The following RNF180 variants were observed in gnomAD, a reference collection of about 807,000 sequenced individuals.
The protein encoded by RNF180 is ring finger protein 180.
RNF180 carries 38 observed loss-of-function variants against 59.2 expected under a neutral mutation model. That is an observed-to-expected ratio of 0.64 (90% CI 0.50 to 0.84). The LOEUF is 0.84. RNF180 is among the 40% of genes least tolerant of loss of function. RNF180 has a pLI of 0.00. For synonymous variants in RNF180, 262 were observed against 240.3 expected (o/e 1.09, Z -0.84); for missense variants, 705 against 700.9 (o/e 1.01, Z -0.07).
intron 5 of RNF180, among the ~76,000 whole-genome samples, chr5:64,263,448 A>G (rs1359368172): frequency 6.6e-6 from 1 of 152,194 alleles, no homozygotes; most frequent in Non-Finnish European, 1.5e-5. Context: ...GCACATCCCT[A>G]GATAAAATAT....
intron 5 of RNF180, among the ~76,000 whole-genome samples, chr5:64,277,324 T>A (rs1741778862): frequency 6.6e-6 from 1 of 152,106 alleles, no homozygotes; most frequent in Non-Finnish European, 1.5e-5. Context: ...TCATCCTGTT[T>A]ATGTAAAATA....
intron 5 of RNF180, among the ~76,000 whole-genome samples, chr5:64,276,459 T>A (rs1284226694): frequency 6.6e-6 from 1 of 151,196 alleles, no homozygotes; most frequent in East Asian, 2.0e-4. Flanking sequence ...CCCAAGAGAT[T>A]TAGTAAAGGA....
At chr5:64,173,379 G>A (rs1750047391) in intron 1 of RNF180, among the ~76,000 whole-genome samples, 1 of 151,890 alleles carries the variant, frequency 6.6e-6, no homozygotes, top group Non-Finnish European at 1.5e-5. Context: ...GTACATATTT[G>A]GGGGTACAGT....
intron 1 of RNF180, among the ~76,000 whole-genome samples, chr5:64,193,460 C>CT (rs1374209789): frequency 2.6e-5 from 4 of 151,864 alleles, no homozygotes; most frequent in Admixed American, 6.6e-5. Context: ...CTTAATAAAG[C>CT]TTTTTTTAAA....
rs989606055 is a variant in RNF180, at chr5:64,351,267, C to CTT, written c.1580-18347_1580-18346insTT. On this transcript the variant is annotated intron_variant, in intron 7 of 7. Transcript: ENST00000389100. ...TGTACGTTGATTATGTATCCTGAGA[C>CTT]TGCTGAAGTTGCTTATCAGCTTAAG... Among the ~76,000 whole-genome samples the CTT allele has an allele frequency of 5.1e-3, 775 of 152,094 alleles. 6 individuals are homozygous for CTT. Among genetic ancestry groups the CTT allele is most frequent in the African/African-American group, 0.018 (742 of 41,526 alleles).
chr5:64,325,243 A>G lies in RNF180; in HGVS notation c.1285A>G (p.Ser429Gly). ...CAATGAATATGCAGAAGAAAAGGAT[A>G]GCTACATCTGTGCAGTGTGTCTGGA... ...EDNEYAEEKD[S>G]YICAVCLDVY... Residue 429 changes from serine to glycine, a missense_variant, in exon 6 of 8, where the codon AGC (serine) becomes GGC (glycine). Ser to Gly is a moderately conservative substitution (Grantham distance 56). Coordinates refer to ENST00000389100, the MANE Select transcript of RNF180 (RefSeq NM_001113561.2). 6.4e-7 allele frequency: 1 copy of G among 1,551,584 alleles called. No homozygotes were observed.
chr5:64,334,945 C>T (rs1745058707), intron 7 of RNF180, among the ~76,000 whole-genome samples: 1 of 152,178 alleles, frequency 6.6e-6, no homozygotes, highest in Non-Finnish European at 1.5e-5. Flanking sequence ...AAAAGCACAT[C>T]TTTAACTTCA....
chr5:64,362,692 T>A (rs933586709), intron 7 of RNF180, among the ~76,000 whole-genome samples: 1 of 151,908 alleles, frequency 6.6e-6, no homozygotes, highest in Non-Finnish European at 1.5e-5. Flanking sequence ...CTGAACTAAT[T>A]TACACTCCCA....
At chr5:64,218,653 CTT>C (rs1455356369) in intron 5 of RNF180, among the ~76,000 whole-genome samples, 4 of 152,106 alleles carry the variant, frequency 2.6e-5, no homozygotes, top group African/African-American at 9.7e-5. Context: ...TATAGATAAA[CTT>C]GGGGAGAATT....
chr5:64,170,632 A>G (rs1468817099), intron 1 of RNF180, among the ~76,000 whole-genome samples: 1 of 152,184 alleles, frequency 6.6e-6, no homozygotes, highest in Non-Finnish European at 1.5e-5. Flanking sequence ...ATGATGGAGG[A>G]TCTTTTTCTG....
chr5:64,166,576 C>T (rs1411788822), intron 1 of RNF180, among the ~76,000 whole-genome samples: 1 of 152,184 alleles, frequency 6.6e-6, no homozygotes, highest in East Asian at 1.9e-4. Flanking sequence ...ATTACTAGTG[C>T]TGTTATGAAC....
At chr5:64,272,013 AAACT>A (rs758836425) in intron 5 of RNF180, among the ~76,000 whole-genome samples, 32 of 152,088 alleles carry the variant, frequency 2.1e-4, no homozygotes, top group Non-Finnish European at 3.4e-4. Context: ...AGGAATTTTA[AAACT>A]AACTATTAAA....
chr5:64,214,485 C>A lies in RNF180; in HGVS notation c.1159C>A (p.Gln387Lys). Residue 387 changes from glutamine to lysine, a missense_variant, in exon 4 of 8, where the codon CAA becomes AAA. Gln to Lys is a moderately conservative substitution (Grantham distance 53). Coordinates refer to ENST00000389100, the MANE Select transcript of RNF180 (RefSeq NM_001113561.2). ...RSKLKNLRRK[Q>K]RRRERWLQKQ... ...CAAGTTGAAGAATCTAAGAAGGAAA[C>A]AACGAAGGCGTGAAAGATGGCTACA... The A allele has an allele frequency of 6.2e-7, 1 of 1,613,540 alleles. No individual in the cohort carries two copies. The highest frequency in any genetic ancestry group is 8.5e-7 in the Non-Finnish European group (1 of 1,179,612).
At chr5:64,270,950 A>G (rs1313272374) in intron 5 of RNF180, among the ~76,000 whole-genome samples, 2 of 152,118 alleles carry the variant, frequency 1.3e-5, no homozygotes, top group Non-Finnish European at 2.9e-5. Context: ...TTATAATCAT[A>G]TAAATACTTG....
At chr5:64,310,493 G>C (rs1006537745) in intron 5 of RNF180, among the ~76,000 whole-genome samples, 4 of 143,614 alleles carry the variant, frequency 2.8e-5, no homozygotes, top group Non-Finnish European at 4.6e-5. Context: ...TTAGGTTTTT[G>C]TTATGACTGC....
intron 1 of RNF180, among the ~76,000 whole-genome samples, chr5:64,166,881 C>A (rs1416723582): frequency 6.6e-6 from 1 of 152,160 alleles, no homozygotes; most frequent in African/African-American, 2.4e-5. Flanking sequence ...ATTTAGCTCT[C>A]AAAGATGGAC....
chr5:64,208,654 A>C (rs575466508), intron 2 of RNF180, among the ~76,000 whole-genome samples: 3 of 152,210 alleles, frequency 2.0e-5, no homozygotes, highest in Admixed American at 1.3e-4. Context: ...TGGCAGTTTC[A>C]TTTATAGTTG....
At chr5:64,209,603 A>G (rs558016509) in intron 2 of RNF180, among the ~76,000 whole-genome samples, 109 of 152,172 alleles carry the variant, frequency 7.2e-4, no homozygotes, top group African/African-American at 2.5e-3. Flanking sequence ...TTGATAATCT[A>G]TTATTCTACC....
intron 2 of RNF180, among the ~76,000 whole-genome samples, chr5:64,206,647 T>C (rs1752031304): frequency 6.6e-6 from 1 of 152,222 alleles, no homozygotes; most frequent in African/African-American, 2.4e-5. Flanking sequence ...TTGTATGCCC[T>C]CCAAGTGCAT....
Sources: allele counts gnomAD v4.1 joint callset (sites outside exome capture counted in the v4.1 genomes callset), GRCh38; gene constraint gnomAD v4.1.1; transcripts MANE v1.5; gene names NCBI Gene and HGNC (gene_info 2026-07-23, HGNC 2026-07-21).